The following NR2C2 variants were observed in gnomAD, a reference collection of about 807,000 sequenced individuals.
NR2C2 encodes nuclear receptor subfamily 2 group C member 2, also known as Nuclear hormone receptor TR4.
In NR2C2, 6 loss-of-function variants were observed where a neutral mutation model predicts 62.9. The observed-to-expected ratio is 0.10, with a 90% CI of 0.05 to 0.19. The LOEUF (loss-of-function observed/expected upper bound fraction) is 0.19. Among genes scored for constraint, NR2C2 ranks in the 10% least tolerant of loss-of-function variants. The pLI is 1.00. For missense variants in NR2C2, 479 were observed against 762.7 expected, an observed-to-expected ratio of 0.63 and a Z score of 4.38; for synonymous variants, 272 against 273.8, an observed-to-expected ratio of 0.99 and a Z score of 0.07.
chr3:14,971,103 G>A (rs1175844597), intron 1 of NR2C2, among the ~76,000 whole-genome samples: 1 of 152,180 alleles, frequency 6.6e-6, no homozygotes, highest in Non-Finnish European at 1.5e-5. Context: ...TAGGCTAAGT[G>A]TATTAAATGC....
At chr3:14,953,585 A>G (rs907573257) in intron 1 of NR2C2, among the ~76,000 whole-genome samples, 20 of 152,200 alleles carry the variant, frequency 1.3e-4, no homozygotes, top group Non-Finnish European at 2.6e-4. Flanking sequence ...CTGCCCACCC[A>G]TGTTCCTTAA....
chr3:15,037,957 G>A, intron 11 of NR2C2, 43 bp from the exon 12 acceptor site: 2 of 1,580,196 alleles, frequency 1.3e-6, no homozygotes, highest in Non-Finnish European at 1.7e-6. Flanking sequence ...TGGTTTTATT[G>A]TTCTTACCAG....
intron 2 of NR2C2, among the ~76,000 whole-genome samples, chr3:15,011,695 T>C (rs1282676386): frequency 6.6e-6 from 1 of 152,206 alleles, no homozygotes; most frequent in Non-Finnish European, 1.5e-5. Context: ...TACTGGGGTT[T>C]GTCCCATAAT....
Position 15,045,904 on chromosome 3 carries a change from A to T in NR2C2, c.*2896A>T, listed in dbSNP as rs1218074473. The T allele has an allele frequency of 3.9e-5, 6 of 152,256 alleles. No homozygotes were observed. Among genetic ancestry groups the T allele is most frequent in the African/African-American group, 1.4e-4 (6 of 41,466 alleles). 9.4% of individuals were successfully genotyped at this position (152,256 alleles called of 1,614,324 possible). ...TGGCTCAGAGAGGTGGGACAGACACATGCTGTCATCAGTTAAGTGAGCTCT... is the reference window on the plus strand; with the variant it reads ...TGGCTCAGAGAGGTGGGACAGACACTTGCTGTCATCAGTTAAGTGAGCTCT... On this transcript the variant is annotated 3_prime_UTR_variant, in exon 14 of 14. Transcript: ENST00000425241.
At chr3:14,970,445 T>C (rs928489490) in intron 1 of NR2C2, among the ~76,000 whole-genome samples, 1 of 152,192 alleles carries the variant, frequency 6.6e-6, no homozygotes, top group African/African-American at 2.4e-5. Context: ...TTTTTCTTCT[T>C]TCCAGACTGA....
chr3:14,947,837 C>G lies in NR2C2; in HGVS notation c.-109C>G, dbSNP rs1419993395. 2 of 149,124 alleles carry G rather than the reference C, an allele frequency of 1.3e-5. No individual in the cohort carries two copies. Among genetic ancestry groups the G allele is most frequent in the African/African-American group, 4.9e-5 (2 of 40,928 alleles). The allele number at this position is 149,124 out of a possible 1,614,324, so 9.2% of individuals were successfully genotyped here. On this transcript the variant is annotated 5_prime_UTR_variant, in exon 1 of 14. Transcript: ENST00000425241. ...GAGCCCGGGCTCCCCGCGCCCTGCC[C>G]TCCGCGCCGGGGGCCGCCCGCCGCA...
chr3:15,014,850 C>G (rs970078370), intron 3 of NR2C2, among the ~76,000 whole-genome samples: 1 of 152,190 alleles, frequency 6.6e-6, no homozygotes, highest in Non-Finnish European at 1.5e-5. Context: ...CACATTTTAT[C>G]TCTTCATCTG....
At chr3:14,949,377 C>T (rs1324279900) in intron 1 of NR2C2, among the ~76,000 whole-genome samples, 1 of 152,138 alleles carries the variant, frequency 6.6e-6, no homozygotes, top group African/African-American at 2.4e-5. Context: ...GTGTAACGGC[C>T]CTGGAGGAAG....
intron 12 of NR2C2, chr3:15,038,384 A>G (rs1297062727): frequency 2.1e-5 from 7 of 339,762 alleles, no homozygotes; most frequent in Non-Finnish European, 3.7e-5. Context: ...TCTGTGTCCT[A>G]ATTAAACCAT....
chr3:14,949,347 C>T (rs562623819), intron 1 of NR2C2, among the ~76,000 whole-genome samples: 56 of 152,208 alleles, frequency 3.7e-4, no homozygotes, highest in Admixed American at 1.0e-3. Flanking sequence ...GGAGGAATGG[C>T]ATTCCAGACA....
intron 1 of NR2C2, among the ~76,000 whole-genome samples, chr3:14,972,380 G>A (rs1173105425): frequency 6.6e-6 from 1 of 151,824 alleles, no homozygotes; most frequent in Non-Finnish European, 1.5e-5. Flanking sequence ...TCACCATGAT[G>A]GCCAGGTTGG....
chr3:14,966,991 G>A (rs1346207085), intron 1 of NR2C2, among the ~76,000 whole-genome samples: 1 of 152,144 alleles, frequency 6.6e-6, no homozygotes, highest in Non-Finnish European at 1.5e-5. Flanking sequence ...ATCTGGGCCT[G>A]GCCTTTTCTT....
At chr3:15,008,922 T>C (rs1375421907) in intron 2 of NR2C2, among the ~76,000 whole-genome samples, 1 of 152,152 alleles carries the variant, frequency 6.6e-6, no homozygotes, top group Admixed American at 6.5e-5. Flanking sequence ...ATAGTGACTA[T>C]AATAAATATG....
In NR2C2 at chr3:15,043,556, A is replaced by C. The variant is rs2042347179; in HGVS notation, c.*548A>C. ...AAAACTCACTAGGGTACAGGAGACA[A>C]TCATTTATGTTTAAGAAAAGAAGGC... is the stretch of plus-strand genomic sequence containing the variant. On this transcript the variant is annotated 3_prime_UTR_variant, in exon 14 of 14. Coordinates refer to ENST00000425241, the MANE Select transcript of NR2C2 (RefSeq NM_001291694.2). 1.3e-5 allele frequency: 2 copies of C among 152,706 alleles called. No individual in the cohort carries two copies. The highest frequency in any genetic ancestry group is 4.8e-5 in the African/African-American group (2 of 41,468). 9.5% of individuals were successfully genotyped at this position (152,706 alleles called of 1,614,324 possible).
At chr3:14,950,102 ATTG>A (rs1281500748) in intron 1 of NR2C2, among the ~76,000 whole-genome samples, 1 of 152,154 alleles carries the variant, frequency 6.6e-6, no homozygotes, top group Non-Finnish European at 1.5e-5. Flanking sequence ...AAATAGAGTT[ATTG>A]TTGTCATTAT....
intron 1 of NR2C2, among the ~76,000 whole-genome samples, chr3:14,970,249 G>A (rs2039996768): frequency 9.9e-6 from 1 of 101,048 alleles, no homozygotes; most frequent in Non-Finnish European, 1.8e-5. Context: ...CTTAGATACT[G>A]TCTTTTTTGG....
intron 10 of NR2C2, chr3:15,034,455 A>G: frequency 2.1e-6 from 1 of 480,954 alleles, no homozygotes. Flanking sequence ...GTTTTTTAAG[A>G]GAATAGTTGA....
intron 8 of NR2C2, 91 bp from the exon 9 acceptor site, chr3:15,030,184 C>T (rs1245916614): frequency 9.4e-7 from 1 of 1,066,722 alleles, no homozygotes; most frequent in African/African-American, 1.6e-5. Context: ...TTATCTTTTC[C>T]CACTGTAGTT....
intron 5 of NR2C2, among the ~76,000 whole-genome samples, chr3:15,022,199 A>G (rs1020109762): frequency 4.6e-5 from 7 of 152,316 alleles, no homozygotes; most frequent in South Asian, 4.1e-4. Context: ...TGCTTCTAAC[A>G]TGCATATCTG....
Sources: allele counts gnomAD v4.1 joint callset (sites outside exome capture counted in the v4.1 genomes callset), GRCh38; gene constraint gnomAD v4.1.1; transcripts MANE v1.5; gene names NCBI Gene and HGNC (gene_info 2026-07-23, HGNC 2026-07-21).